The following SPG11 variants were observed in gnomAD, a reference collection of about 807,000 sequenced individuals.
SPG11 encodes the protein SPG11 vesicle trafficking associated, spatacsin, also known as spatacsin.
SPG11 carries 222 observed loss-of-function variants against 274.0 expected under a neutral mutation model. That is an observed-to-expected ratio of 0.81 (90% CI 0.73 to 0.91). The LOEUF (loss-of-function observed/expected upper bound fraction) is 0.91, where lower values mean the gene tolerates loss of function less well. SPG11 is among the 40% of genes least tolerant of loss of function. The pLI is 0.00. For missense variants in SPG11, 3,114 were observed against 2,872.7 expected, an observed-to-expected ratio of 1.08 and a Z score of -1.92; for synonymous variants, 1,144 against 1,039.7, an observed-to-expected ratio of 1.10 and a Z score of -1.93.
At chr15:44,599,904 A>G (rs897671402) in intron 21 of SPG11, among the ~76,000 whole-genome samples, 1 of 152,212 alleles carries the variant, frequency 6.6e-6, no homozygotes, top group African/African-American at 2.4e-5. Context: ...CATGCAGGTT[A>G]CATAGGTATA....
chr15:44,587,259 T>C (rs539047376), intron 28 of SPG11, among the ~76,000 whole-genome samples: 10 of 152,336 alleles, frequency 6.6e-5, no homozygotes, highest in African/African-American at 2.4e-4. Flanking sequence ...TCTATGTGTG[T>C]CCTACCATAA....
At chr15:44,565,720 A>G (rs957818087) in intron 38 of SPG11, 134 bp downstream of exon 38, 1 of 1,114,866 alleles carries the variant, frequency 9.0e-7, no homozygotes, top group Non-Finnish European at 1.3e-6. Flanking sequence ...CTATGTTGGT[A>G]TCAGAGAGTT....
Position 44,595,437 on chromosome 15 carries a change from A to G in SPG11, c.4457T>C (p.Leu1486Pro). The G allele has an allele frequency of 6.2e-7, 1 of 1,614,256 alleles. No homozygotes were observed. Among genetic ancestry groups the G allele is most frequent in the Non-Finnish European group, 8.5e-7 (1 of 1,180,040 alleles). Residue 1486 changes from leucine (L) to proline (P), a missense_variant, in exon 26 of 40, where the codon CTC becomes CCC. Coordinates refer to ENST00000261866, the MANE Select transcript of SPG11 (RefSeq NM_025137.4). ...CLQGASAISC[L>P]CVWIITSVED... is the part of the protein sequence containing the mutation. ...CACAGAAGTGATGATCCAAACACAG[A>G]GACAAGAAATGGCACTGGCACCCTG... is the stretch of plus-strand genomic sequence containing the variant.
chr15:44,622,173 T>C (rs1357498157), intron 13 of SPG11, 47 bp downstream of exon 13: 8 of 1,575,684 alleles, frequency 5.1e-6, no homozygotes, highest in Non-Finnish European at 7.0e-6. Flanking sequence ...AATGAAATAC[T>C]ATCTAACGGT....
chr15:44,626,549 T>C lies in SPG11; in HGVS notation c.2068-42A>G, dbSNP rs756757272. 2.5e-6 allele frequency: 4 copies of C among 1,585,004 alleles called. No individual in the cohort carries two copies. In the East Asian group the frequency reaches 9.0e-5, roughly 36 times the overall value. On this transcript the variant is annotated intron_variant, in intron 10 of 39. Coordinates refer to ENST00000261866, the MANE Select transcript of SPG11 (RefSeq NM_025137.4). ...GTTTGCCTTTTAAGTTCTTTTTCAT[T>C]TCCTTATTATGATTATCAACATGGG...
chr15:44,587,693 C>CAAAAAAAAAAAAAAAAAAAAAAAA (rs34479385), intron 28 of SPG11, among the ~76,000 whole-genome samples: 2 of 34,054 alleles, frequency 5.9e-5, no homozygotes, highest in African/African-American at 3.6e-4. Flanking sequence ...CAGACTGTCT[C>CAAAAAAAAAAAAAAAAAAAAAAAA]AAAAAAAAAA....
chr15:44,633,699 T>G (rs2084151871), intron 7 of SPG11, 62 bp from the exon 8 acceptor site: 1 of 1,544,106 alleles, frequency 6.5e-7, no homozygotes. Context: ...AAATCAGGAT[T>G]CAGATTTTTA....
intron 20 of SPG11, 89 bp from the exon 21 acceptor site, chr15:44,600,721 G>T: frequency 7.2e-7 from 1 of 1,398,356 alleles, no homozygotes; most frequent in Non-Finnish European, 1.0e-6. Context: ...TGATAAAACT[G>T]GTTGCTGTAA....
chr15:44,619,113 T>C (rs1406870078), intron 15 of SPG11, among the ~76,000 whole-genome samples: 1 of 152,166 alleles, frequency 6.6e-6, no homozygotes, highest in Non-Finnish European at 1.5e-5. Flanking sequence ...GAAGAATGAA[T>C]AGAAAATCAG....
chr15:44,567,271 A>C (rs1177870008), intron 36 of SPG11, 153 bp downstream of exon 36: 1 of 726,300 alleles, frequency 1.4e-6, no homozygotes, highest in Non-Finnish European at 2.2e-6. Context: ...GAATCACTTG[A>C]ACCTGGGAGG....
intron 16 of SPG11, 108 bp from the exon 17 acceptor site, chr15:44,613,644 T>TA (rs1304251069): frequency 2.8e-6 from 2 of 709,120 alleles, no homozygotes; most frequent in Non-Finnish European, 4.9e-6. Flanking sequence ...ATCTTGGAAT[T>TA]AAAAAGTAAA....
At chr15:44,585,983 G>GGT in intron 28 of SPG11, 133 bp from the exon 29 acceptor site, 1 of 337,546 alleles carries the variant, frequency 3.0e-6, no homozygotes, top group Non-Finnish European at 5.3e-6. Flanking sequence ...ATAAAAAGCT[G>GGT]TTTTTTTTTT....
At chr15:44,646,598 T>G (rs112234220) in intron 7 of SPG11, among the ~76,000 whole-genome samples, 1 of 152,074 alleles carries the variant, frequency 6.6e-6, no homozygotes, top group Non-Finnish European at 1.5e-5. Flanking sequence ...CCATATCAAC[T>G]GGATAAAGAA....
At chr15:44,580,785 G>A (rs1330753949) in intron 30 of SPG11, among the ~76,000 whole-genome samples, 1 of 152,182 alleles carries the variant, frequency 6.6e-6, no homozygotes, top group East Asian at 1.9e-4. Flanking sequence ...GCGAGACTCC[G>A]TCTCAAAAAC....
intron 19 of SPG11, among the ~76,000 whole-genome samples, chr15:44,607,060 A>G (rs1047681590): frequency 3.9e-5 from 6 of 152,210 alleles, no homozygotes; most frequent in Non-Finnish European, 7.3e-5. Flanking sequence ...CTGTCAGTAT[A>G]AATCCAGAAT....
chr15:44,631,615 GAATAAT>G (rs2141050822), intron 8 of SPG11, among the ~76,000 whole-genome samples: 1 of 147,152 alleles, frequency 6.8e-6, no homozygotes, highest in African/African-American at 2.5e-5. Flanking sequence ...AAGAGAGACA[GAATAAT>G]ACAAAAAATA....
At chr15:44,579,526 C>CAAAAAA (rs954664107) in intron 30 of SPG11, among the ~76,000 whole-genome samples, 1,748 of 42,438 alleles carry the variant, frequency 0.041, no homozygotes, top group Middle Eastern at 0.064. Context: ...GACTCCGTCT[C>CAAAAAA]AAAAAAAAAA....
At chr15:44,585,987 T>G (rs973459960) in intron 28 of SPG11, 137 bp from the exon 29 acceptor site, 10 of 598,290 alleles carry the variant, frequency 1.7e-5, no homozygotes, top group African/African-American at 1.4e-4. Flanking sequence ...AAAGCTGTTT[T>G]TTTTTTTTTT....
In SPG11 at chr15:44,563,291, G is replaced by T. The variant is rs1567123486; in HGVS notation, c.7162C>A (p.His2388Asn). Residue 2388 changes from histidine to asparagine, a missense_variant, in exon 40 of 40, where the codon CAT becomes AAT. His to Asn is a moderately conservative substitution (Grantham distance 68, BLOSUM62 1). Transcript: ENST00000261866. ...FEEISKKYKQ[H>N]QPTDMVMENL... The stretch of plus-strand genomic sequence containing the variant: ...TCCATGACCATGTCAGTAGGCTGAT[G>T]TTGTTTATATCTAGATAAAGAAACA... 1.2e-6 allele frequency: 2 copies of T among 1,612,582 alleles called. No individual in the cohort carries two copies. The highest frequency in any genetic ancestry group is 8.5e-7 in the Non-Finnish European group (1 of 1,179,004).
Sources: gnomAD v4.1 joint callset for allele counts (sites outside exome capture counted in the v4.1 genomes callset) on GRCh38, gnomAD v4.1.1 for gene constraint, MANE v1.5 for transcripts, NCBI Gene and HGNC (gene_info 2026-07-23, HGNC 2026-07-21) for gene names.